DPRX: variants seen among roughly 807,000 people sequenced by gnomAD.
DPRX encodes the protein divergent paired-related homeobox.
A neutral mutation model predicts 8.4 loss-of-function variants in DPRX; 11 were observed. The observed-to-expected ratio is 1.31, with a 90% CI of 0.82 to 2.17. The LOEUF (loss-of-function observed/expected upper bound fraction) is 2.17. DPRX is among the 30% of genes most tolerant of loss of function. The pLI is 0.00. For missense variants in DPRX, 211 were observed against 236.7 expected (o/e 0.89, Z 0.71); for synonymous variants, 72 against 87.0 (o/e 0.83, Z 0.96).
upstream of DPRX, among the ~76,000 whole-genome samples, chr19:53,631,090 G>A (rs368905547): frequency 5.3e-4 from 81 of 151,892 alleles, no homozygotes; most frequent in East Asian, 4.0e-3. Context: ...CAGGTGATCC[G>A]CCTGCCTCAG....
the DPRX span, among the ~76,000 whole-genome samples, chr19:53,621,314 G>A: frequency 3.5e-4 from 53 of 151,734 alleles, no homozygotes; most frequent in African/African-American, 1.2e-3. Context: ...TTTATTTTTT[G>A]TAGAGGCAAG....
the DPRX span, chr19:53,616,774 A>G: frequency 6.6e-7 from 1 of 1,520,490 alleles, no homozygotes; most frequent in South Asian, 1.2e-5. Context: ...GAAAAAATAG[A>G]GGCCGAGAAT....
At chr19:53,630,704 T>C (rs1359476659), upstream of DPRX, among the ~76,000 whole-genome samples, 2 of 151,500 alleles carry the variant, frequency 1.3e-5, no homozygotes, top group Non-Finnish European at 2.9e-5. Context: ...CTGTCACAAG[T>C]AGAGATGTGC....
the DPRX span, among the ~76,000 whole-genome samples, chr19:53,604,737 G>A: frequency 2.0e-5 from 3 of 151,844 alleles, no homozygotes; most frequent in Admixed American, 6.6e-5. Context: ...CAGCTACTCC[G>A]GAGGCTGAGG....
chr19:53,632,593 G>C (rs564177450), intron 1 of DPRX, among the ~76,000 whole-genome samples: 15 of 152,166 alleles, frequency 9.9e-5, no homozygotes, highest in African/African-American at 3.6e-4. Context: ...ACAGGCGTGA[G>C]CCACTGCACC....
chr19:53,618,887 T>G, the DPRX span, among the ~76,000 whole-genome samples: 1 of 151,930 alleles, frequency 6.6e-6, no homozygotes, highest in South Asian at 2.1e-4. Context: ...TTGCCATGTT[T>G]GTCAGGCTGG....
At chr19:53,605,438 G>A in the DPRX span, among the ~76,000 whole-genome samples, 2 of 150,076 alleles carry the variant, frequency 1.3e-5, no homozygotes, top group East Asian at 2.0e-4. Flanking sequence ...GGGCAGTGGC[G>A]CGATCTTAGC....
the DPRX span, chr19:53,601,346 C>T: frequency 2.2e-6 from 1 of 456,594 alleles, no homozygotes; most frequent in East Asian, 7.0e-5. Flanking sequence ...GAGATGCTGA[C>T]CAGAGGAGAA....
the DPRX span, among the ~76,000 whole-genome samples, chr19:53,621,065 G>T: frequency 6.6e-6 from 1 of 152,152 alleles, no homozygotes; most frequent in Admixed American, 6.6e-5. Context: ...GTACAAGAGA[G>T]TATGATATGG....
the DPRX span, chr19:53,608,285 CA>C: frequency 1.4e-4 from 2 of 14,200 alleles, no homozygotes; most frequent in Non-Finnish European, 1.2e-4. Flanking sequence ...GTCGTTGGAC[CA>C]CCCCAGCTCG....
chr19:53,610,872 G>A, the DPRX span, among the ~76,000 whole-genome samples: 1 of 152,090 alleles, frequency 6.6e-6, no homozygotes, highest in African/African-American at 2.4e-5. Context: ...AAATAAGGAG[G>A]CCACCTTCAG....
chr19:53,613,590 C>A, the DPRX span, among the ~76,000 whole-genome samples: 2 of 151,266 alleles, frequency 1.3e-5, no homozygotes, highest in East Asian at 2.0e-4. Context: ...AAACTCCTGA[C>A]CCCAAGGGAT....
the DPRX span, among the ~76,000 whole-genome samples, chr19:53,624,236 C>T: frequency 4.0e-5 from 6 of 150,632 alleles, no homozygotes; most frequent in South Asian, 2.1e-4. Flanking sequence ...CACAGGTGCC[C>T]GCCACCACGC....
At chr19:53,636,455 A>G in intron 2 of DPRX, 141 bp from the exon 3 acceptor site, 1 of 685,980 alleles carries the variant, frequency 1.5e-6, no homozygotes, top group Non-Finnish European at 2.0e-6. Flanking sequence ...AAGAAAAGTT[A>G]AAAACTTAAA....
the DPRX span, among the ~76,000 whole-genome samples, chr19:53,619,467 G>A: frequency 1.3e-5 from 2 of 152,072 alleles, no homozygotes; most frequent in Admixed American, 6.6e-5. Context: ...CTGAGGTTGG[G>A]AGTTAGAGAC....
intron 1 of DPRX, among the ~76,000 whole-genome samples, chr19:53,633,354 T>G (rs181648189): frequency 4.3e-4 from 65 of 152,220 alleles, no homozygotes; most frequent in Non-Finnish European, 7.1e-4. Context: ...CTTGCTATAT[T>G]CCTAAAAGAA....
Position 53,636,747 on chromosome 19 carries a change from A to G in DPRX, c.335A>G (p.Asn112Ser), listed in dbSNP as rs144673249. 216 of 1,614,120 alleles carry G rather than the reference A, an allele frequency of 1.3e-4. 1 individual carries two copies. The African/African-American group carries it at 1.6e-3, about 12-fold the overall frequency. ...GCAGACACACTACCCAGATTGCCCA[A>G]CGCTGCTCACCCGATCGGCCTGGTG... is the stretch of plus-strand genomic sequence containing the variant. The change falls in exon 3 of 3, where the codon AAC becomes AGC. Residue 112 changes from asparagine to serine, a missense_variant. By Grantham distance (46) the Asn-to-Ser change is conservative. Coordinates refer to ENST00000376650, the Ensembl canonical transcript of DPRX.
At chr19:53,625,737 A>C in the DPRX span, among the ~76,000 whole-genome samples, 1 of 151,692 alleles carries the variant, frequency 6.6e-6, no homozygotes, top group African/African-American at 2.4e-5. Context: ...TTCCAGGTTC[A>C]AGTGATTCTC....
At chr19:53,623,604 C>G in the DPRX span, among the ~76,000 whole-genome samples, 1 of 151,304 alleles carries the variant, frequency 6.6e-6, no homozygotes, top group African/African-American at 2.4e-5. Flanking sequence ...CACCATTGCA[C>G]TCCAACCTGG....
Sources: gnomAD v4.1 joint callset for allele counts (sites outside exome capture counted in the v4.1 genomes callset) on GRCh38, gnomAD v4.1.1 for gene constraint, MANE v1.5 for transcripts, NCBI Gene and HGNC (gene_info 2026-07-23, HGNC 2026-07-21) for gene names.